Variants in POMGNT2 observed in about 807,000 individuals in gnomAD.
POMGNT2 encodes the protein protein O-linked mannose N-acetylglucosaminyltransferase 2 (beta 1,4-), also known as protein O-linked-mannose beta-1,4-N-acetylglucosaminyltransferase 2.
In POMGNT2, 32 loss-of-function variants were observed where a neutral mutation model predicts 37.8. That is an observed-to-expected ratio of 0.85 (90% CI 0.64 to 1.14). POMGNT2 has a LOEUF of 1.14. Ranked by LOEUF, POMGNT2 falls within the 50% of genes most tolerant of loss-of-function variation. The pLI, the probability that POMGNT2 is intolerant of heterozygous loss-of-function variation, is 0.00. For missense variants in POMGNT2, 705 were observed against 780.6 expected (o/e 0.90, Z 1.15); for synonymous variants, 340 against 336.8 (o/e 1.01, Z -0.10).
chr3:43,085,764 A>C (rs997724438), intron 1 of POMGNT2, among the ~76,000 whole-genome samples: 8 of 135,520 alleles, frequency 5.9e-5, no homozygotes, highest in Non-Finnish European at 7.6e-5. Flanking sequence ...TATTTACAGC[A>C]AAAAAAAAAA....
chr3:43,103,540 C>T (rs1245418911), intron 1 of POMGNT2, among the ~76,000 whole-genome samples: 1 of 152,164 alleles, frequency 6.6e-6, no homozygotes, highest in Non-Finnish European at 1.5e-5. Context: ...CCTGAACTCA[C>T]TCAGGGACTG....
At chr3:43,092,409 C>T (rs2089950569) in intron 1 of POMGNT2, among the ~76,000 whole-genome samples, 1 of 152,134 alleles carries the variant, frequency 6.6e-6, no homozygotes, top group Admixed American at 6.5e-5. Flanking sequence ...GCGATCCTCC[C>T]ATCTCAGCCT....
intron 1 of POMGNT2, among the ~76,000 whole-genome samples, chr3:43,094,589 G>A (rs1470467612): frequency 6.6e-6 from 1 of 152,238 alleles, no homozygotes; most frequent in Non-Finnish European, 1.5e-5. Context: ...CTGCAGCCTG[G>A]TCTGACTGAC....
intron 1 of POMGNT2, among the ~76,000 whole-genome samples, chr3:43,092,354 G>A (rs780332673): frequency 1.3e-5 from 2 of 152,196 alleles, no homozygotes; most frequent in Non-Finnish European, 2.9e-5. Flanking sequence ...CTACAGTACA[G>A]TGGCATGATA....
At chr3:43,096,947 G>T (rs1054311929) in intron 1 of POMGNT2, among the ~76,000 whole-genome samples, 2 of 152,150 alleles carry the variant, frequency 1.3e-5, no homozygotes, top group African/African-American at 4.8e-5. Context: ...TAGGATCCCA[G>T]CTGTTCCGAG....
chr3:43,082,052 A>G (rs778114485), intron 1 of POMGNT2, among the ~76,000 whole-genome samples: 7 of 152,234 alleles, frequency 4.6e-5, no homozygotes, highest in Non-Finnish European at 7.3e-5. Context: ...ACACATAGAC[A>G]TCAGGGCTGA....
intron 1 of POMGNT2, among the ~76,000 whole-genome samples, chr3:43,101,222 G>A (rs1336873160): frequency 6.6e-6 from 1 of 152,218 alleles, no homozygotes; most frequent in Non-Finnish European, 1.5e-5. Context: ...GCCCAGCACA[G>A]CTGTGCCAGC....
rs771980076 is a variant in POMGNT2, at chr3:43,079,998, G to A, written c.1434C>T (p.Val478=). ...CCCGCACCTTGCCTGGATATAGGCC[G>A]ACTGTCCACTTCTGCTTCCGTGGTC... ...RPGPRKQKWT[V]GLYPGKVREA... is the part of the protein sequence containing the mutation. The change falls in exon 2 of 2, where the codon GTC becomes GTT. Residue 478 remains valine (V), a synonymous_variant. Transcript: ENST00000344697. The A allele has an allele frequency of 6.2e-6, 10 of 1,613,950 alleles. No homozygotes were observed. The highest frequency in any genetic ancestry group is 2.2e-5 in the South Asian group (2 of 91,088).
chr3:43,089,288 TC>T (rs1292354643), intron 1 of POMGNT2, among the ~76,000 whole-genome samples: 1 of 152,186 alleles, frequency 6.6e-6, no homozygotes, highest in African/African-American at 2.4e-5. Context: ...CGTGGCTGTT[TC>T]CTGGAGCTTT....
intron 1 of POMGNT2, among the ~76,000 whole-genome samples, chr3:43,089,119 T>C (rs753510716): frequency 1.9e-4 from 29 of 152,106 alleles, no homozygotes; most frequent in Admixed American, 3.3e-4. Context: ...AACAATCAAA[T>C]AGAGGATCTG....
chr3:43,094,607 G>T (rs570094729), intron 1 of POMGNT2, among the ~76,000 whole-genome samples: 2 of 152,340 alleles, frequency 1.3e-5, no homozygotes, highest in African/African-American at 4.8e-5. Context: ...GACACTGTCT[G>T]CTTGGTCCTA....
chr3:43,095,396 G>C (rs1575471666), intron 1 of POMGNT2, among the ~76,000 whole-genome samples: 1 of 152,250 alleles, frequency 6.6e-6, no homozygotes. Flanking sequence ...CCTCCAATGA[G>C]ATGGGATCCG....
chr3:43,083,256 A>T (rs1350156278), intron 1 of POMGNT2, among the ~76,000 whole-genome samples: 1 of 152,188 alleles, frequency 6.6e-6, no homozygotes, highest in African/African-American at 2.4e-5. Flanking sequence ...AAAACAAAAA[A>T]CCTGCCCATA....
chr3:43,094,130 C>T (rs2089962809), intron 1 of POMGNT2, among the ~76,000 whole-genome samples: 1 of 152,168 alleles, frequency 6.6e-6, no homozygotes, highest in Non-Finnish European at 1.5e-5. Flanking sequence ...TTCCCACACT[C>T]CTGTGGCACC....
chr3:43,094,715 C>T (rs2089967084), intron 1 of POMGNT2, among the ~76,000 whole-genome samples: 1 of 152,214 alleles, frequency 6.6e-6, no homozygotes, highest in African/African-American at 2.4e-5. Context: ...CCTCCATGCC[C>T]CACTTCATCT....
At position 43,080,960 on chromosome 3, in the gene POMGNT2, G is replaced by A. The variant is rs766631781; in HGVS notation, c.472C>T (p.Arg158Cys). The change falls in exon 2 of 2, where the codon CGC (arginine) becomes TGC (cysteine). Residue 158 changes from arginine to cysteine, a missense_variant. By Grantham distance (180) the Arg-to-Cys change is radical. Coordinates refer to ENST00000344697, the MANE Select transcript of POMGNT2 (RefSeq NM_032806.6). ...TGCATGAGGTTGTCGGGGTTGAAGC[G>A]GTTGGCGATGAGGGCCACGTCTGGC... Reference protein sequence around the residue: ...FVPDVALIANRFNPDNLMHVF... With the variant: ...FVPDVALIANCFNPDNLMHVF... The A allele has an allele frequency of 1.1e-5, 17 of 1,614,088 alleles. No homozygotes were observed. Among genetic ancestry groups the A allele is most frequent in the East Asian group, 2.2e-5 (1 of 44,882 alleles).
chr3:43,102,225 C>T (rs1304835800), intron 1 of POMGNT2, among the ~76,000 whole-genome samples: 1 of 152,174 alleles, frequency 6.6e-6, no homozygotes, highest in Admixed American at 6.5e-5. Context: ...CAAAGGACCC[C>T]GGGGTGTGTT....
chr3:43,097,993 C>A lies in POMGNT2; in HGVS notation c.-106+7843G>T, dbSNP rs143548177. Among the ~76,000 whole-genome samples, 849 of 152,304 alleles carry A rather than the reference C, an allele frequency of 5.6e-3. 11 individuals carry two copies. Among genetic ancestry groups the A allele is most frequent in the African/African-American group, 0.019 (792 of 41,560 alleles). On this transcript the variant is annotated intron_variant, in intron 1 of 1. Coordinates refer to ENST00000344697, the MANE Select transcript of POMGNT2 (RefSeq NM_032806.6). The stretch of plus-strand genomic sequence containing the variant: ...CAGAACCAGCAGCTCACCGGTCACT[C>A]CTCCACAAGAAGGGTTACAGAGGTG...
intron 1 of POMGNT2, among the ~76,000 whole-genome samples, chr3:43,086,522 T>C (rs891521395): frequency 6.6e-6 from 1 of 152,196 alleles, no homozygotes; most frequent in African/African-American, 2.4e-5. Context: ...TGTATGCCCA[T>C]AGGAGTATGC....
Sources: gnomAD v4.1 joint callset for allele counts (sites outside exome capture counted in the v4.1 genomes callset) on GRCh38, gnomAD v4.1.1 for gene constraint, MANE v1.5 for transcripts, NCBI Gene and HGNC (gene_info 2026-07-23, HGNC 2026-07-21) for gene names.